Variants in DLG2 observed in about 807,000 individuals in gnomAD.
DLG2 encodes discs large MAGUK scaffold protein 2.
Under a neutral mutation model 132.5 loss-of-function variants are expected in DLG2, and 45 were observed. The ratio of observed to expected loss-of-function variants is 0.34; its 90% CI spans 0.27 to 0.44. The LOEUF is 0.44. Ranked by LOEUF, DLG2 falls within the 20% of genes least tolerant of loss-of-function variation. The pLI, the probability that DLG2 is intolerant of heterozygous loss-of-function variation, is 1.00. For missense variants in DLG2, 1,045 were observed against 1,196.9 expected (o/e 0.87, Z 1.87); for synonymous variants, 424 against 419.6 (o/e 1.01, Z -0.13).
At chr11:83,486,317 C>A in intron 21 of DLG2, 3 of 627,598 alleles carry the variant, frequency 4.8e-6, no homozygotes, top group African/African-American at 1.9e-5. Context: ...GTATGTTAGA[C>A]ATTTAACTTC....
chr11:85,577,342 C>A (rs1207385878), intron 3 of DLG2, among the ~76,000 whole-genome samples: 1 of 151,990 alleles, frequency 6.6e-6, no homozygotes, highest in African/African-American at 2.4e-5. Flanking sequence ...CCGGACTTAA[C>A]TGGAAATTCT....
intron 18 of DLG2, among the ~76,000 whole-genome samples, chr11:83,778,806 T>G (rs771910431): frequency 8.5e-5 from 13 of 152,154 alleles, no homozygotes; most frequent in Non-Finnish European, 1.8e-4. Context: ...TGAATGAATC[T>G]GCAGACTGTT....
At chr11:85,476,690 C>A (rs1241447844) in intron 3 of DLG2, among the ~76,000 whole-genome samples, 1 of 152,026 alleles carries the variant, frequency 6.6e-6, no homozygotes, top group African/African-American at 2.4e-5. Context: ...TACATGAGGT[C>A]AGGAATATCA....
intron 3 of DLG2, among the ~76,000 whole-genome samples, chr11:85,509,638 G>C (rs982283610): frequency 1.8e-4 from 28 of 151,998 alleles, no homozygotes; most frequent in African/African-American, 6.5e-4. Context: ...CTAAAATGCA[G>C]ACCTATTATT....
intron 18 of DLG2, among the ~76,000 whole-genome samples, chr11:83,675,580 C>G (rs2077538779): frequency 6.6e-6 from 1 of 152,130 alleles, no homozygotes; most frequent in Admixed American, 6.5e-5. Context: ...TGATTGACTC[C>G]AAATCTGTAT....
intron 6 of DLG2, among the ~76,000 whole-genome samples, chr11:84,832,341 T>C (rs2079148554): frequency 6.6e-6 from 1 of 151,684 alleles, no homozygotes. Flanking sequence ...TTTTGGTCTT[T>C]TGGGTTAAAG....
chr11:85,262,832 G>A (rs2077013366), intron 4 of DLG2, among the ~76,000 whole-genome samples: 1 of 152,130 alleles, frequency 6.6e-6, no homozygotes, highest in South Asian at 2.1e-4. Flanking sequence ...TCATTATGGA[G>A]CCACGAGAAT....
intron 15 of DLG2, among the ~76,000 whole-genome samples, chr11:83,883,998 G>GCTCCGGTCTACAT (rs372532513): frequency 0.092 from 14,000 of 152,272 alleles, 802 homozygotes; most frequent in Middle Eastern, 0.19. Flanking sequence ...CCGGTCTACA[G>GCTCCGGTCTACAT]CTCCCAGCGT....
At chr11:84,822,050 T>C (rs1409426260) in intron 6 of DLG2, among the ~76,000 whole-genome samples, 1 of 151,802 alleles carries the variant, frequency 6.6e-6, no homozygotes, top group Non-Finnish European at 1.5e-5. Flanking sequence ...ATTTTACTAT[T>C]CAGCAAAATT....
rs1001819953 is a variant in DLG2 at position 85,246,507 on chromosome 11, T to C, written c.186+38713A>G. Among the ~76,000 whole-genome samples the C allele has an allele frequency of 4.0e-5, 6 of 151,758 alleles. No homozygotes were observed. The East Asian group carries it at 9.7e-4, about 24-fold the overall frequency. On this transcript the variant is annotated intron_variant, in intron 4 of 27. Transcript: ENST00000376104. ...GTTAACATTGTACTGTGTTTATTACTGTCTCTCACATGCTCCCTCTCCACG... is the reference window on the plus strand; with the variant it reads ...GTTAACATTGTACTGTGTTTATTACCGTCTCTCACATGCTCCCTCTCCACG...
chr11:84,216,708 C>T (rs1039609502), intron 8 of DLG2, among the ~76,000 whole-genome samples: 1 of 152,142 alleles, frequency 6.6e-6, no homozygotes, highest in South Asian at 2.1e-4. Flanking sequence ...AAACTTAATA[C>T]TAGCAATTGG....
intron 11 of DLG2, among the ~76,000 whole-genome samples, chr11:84,043,344 CATATTTTA>C (rs1196970471): frequency 6.6e-6 from 1 of 151,548 alleles, no homozygotes; most frequent in Non-Finnish European, 1.5e-5. Context: ...TGATGAAGGG[CATATTTTA>C]GGAAAGAGTG....
At chr11:85,211,686 T>A (rs2082266369) in intron 4 of DLG2, among the ~76,000 whole-genome samples, 1 of 152,110 alleles carries the variant, frequency 6.6e-6, no homozygotes, top group African/African-American at 2.4e-5. Context: ...TAGCTCAAGC[T>A]TCAAAAAATG....
In DLG2 at chr11:84,359,607, G is replaced by A. The variant is rs116688465; in HGVS notation, c.520-108316C>T. Among the ~76,000 whole-genome samples the A allele has an allele frequency of 3.1e-3, 477 of 151,868 alleles. 5 individuals are homozygous for A. Among genetic ancestry groups the A allele is most frequent in the African/African-American group, 0.01 (432 of 41,454 alleles). On this transcript the variant is annotated intron_variant, in intron 7 of 27. Transcript: ENST00000376104. ...AAGGAGAAACAATTCTCATATTTTAGGAAATCCCCAAGCTTCCTTACAAAT... is the reference window on the plus strand; with the variant it reads ...AAGGAGAAACAATTCTCATATTTTAAGAAATCCCCAAGCTTCCTTACAAAT...
At chr11:84,034,136 C>T (rs1593563926) in intron 11 of DLG2, among the ~76,000 whole-genome samples, 2 of 151,780 alleles carry the variant, frequency 1.3e-5, no homozygotes, top group East Asian at 3.9e-4. Flanking sequence ...CCATAGCCAC[C>T]CCATCTTTCA....
At chr11:83,642,785 T>C (rs1276267204) in intron 18 of DLG2, among the ~76,000 whole-genome samples, 1 of 152,172 alleles carries the variant, frequency 6.6e-6, no homozygotes, top group African/African-American at 2.4e-5. Context: ...CATGTTTGAA[T>C]CATAAGTTTA....
chr11:85,482,990 T>C (rs896783931), intron 3 of DLG2, among the ~76,000 whole-genome samples: 2 of 152,320 alleles, frequency 1.3e-5, no homozygotes, highest in Non-Finnish European at 2.9e-5. Context: ...CTCTCTGATA[T>C]ATAAGATTTC....
intron 10 of DLG2, among the ~76,000 whole-genome samples, chr11:84,091,337 A>T (rs145575167): frequency 8.3e-4 from 127 of 152,236 alleles, no homozygotes; most frequent in African/African-American, 3.0e-3. Context: ...TCCAGCTCAG[A>T]TTCACATCTC....
intron 3 of DLG2, chr11:85,509,917 T>A (rs1381142910): frequency 3.3e-5 from 5 of 151,838 alleles, no homozygotes; most frequent in African/African-American, 4.8e-5. Context: ...TGCTGAGATC[T>A]AAAAGACAAA....
Sources: gnomAD v4.1 joint callset for allele counts (sites outside exome capture counted in the v4.1 genomes callset) on GRCh38, gnomAD v4.1.1 for gene constraint, MANE v1.5 for transcripts, NCBI Gene and HGNC (gene_info 2026-07-23, HGNC 2026-07-21) for gene names.